Variants in CUX2 observed in about 807,000 individuals in gnomAD.
CUX2 encodes the protein cut like homeobox 2, also known as homeobox protein cut-like 2.
CUX2 carries 40 observed loss-of-function variants against 144.8 expected under a neutral mutation model. The observed-to-expected ratio is 0.28, with a 90% CI of 0.21 to 0.36. The LOEUF is 0.36. CUX2 is among the 10% of genes least tolerant of loss of function. The pLI, the probability that CUX2 is intolerant of heterozygous loss-of-function variation, is 1.00. For missense variants in CUX2, 1,615 were observed against 1,994.0 expected (o/e 0.81, Z 3.62); for synonymous variants, 827 against 875.6 (o/e 0.94, Z 0.98).
At chr12:111,167,702 G>T (rs4766545) in intron 1 of CUX2, among the ~76,000 whole-genome samples, 89,357 of 142,286 alleles carry the variant, frequency 0.63, 30,796 homozygotes, top group Admixed American at 0.67. Context: ...TTGTTTGTTT[G>T]TTTCTTTTTT....
intron 1 of CUX2, among the ~76,000 whole-genome samples, chr12:111,176,039 CTTTTTTTTT>C (rs1172563784): frequency 2.8e-5 from 2 of 70,198 alleles, no homozygotes; most frequent in Non-Finnish European, 5.3e-5. Flanking sequence ...TCTTCTTCTT[CTTTTTTTTT>C]TTTTTTTTTT....
intron 3 of CUX2, among the ~76,000 whole-genome samples, chr12:111,225,144 A>G (rs894658899): frequency 1.3e-5 from 2 of 152,142 alleles, no homozygotes; most frequent in African/African-American, 4.8e-5. Flanking sequence ...AAATGGTGGT[A>G]ATAGTACCCA....
At chr12:111,268,917 G>T (rs544156574) in intron 4 of CUX2, among the ~76,000 whole-genome samples, 23 of 152,244 alleles carry the variant, frequency 1.5e-4, no homozygotes, top group Admixed American at 1.4e-3. Flanking sequence ...GCTCTCCCAC[G>T]GCACCCCGTA....
chr12:111,201,162 G>T (rs899985710), intron 1 of CUX2, among the ~76,000 whole-genome samples: 1 of 152,096 alleles, frequency 6.6e-6, no homozygotes, highest in African/African-American at 2.4e-5. Flanking sequence ...GGAGGCATTG[G>T]CTCCTTGCCA....
chr12:111,099,129 C>T (rs1471710542), intron 1 of CUX2, among the ~76,000 whole-genome samples: 2 of 152,222 alleles, frequency 1.3e-5, no homozygotes, highest in East Asian at 3.8e-4. Context: ...AATACAGGAT[C>T]CCAAATGCTC....
chr12:111,145,349 C>A lies in CUX2; in HGVS notation c.64-68851C>A, dbSNP rs943069183. 3.3e-5 allele frequency among the ~76,000 whole-genome samples: 5 copies of A among 152,024 alleles called. 1 individual carries two copies. In the South Asian group the frequency reaches 1.0e-3, roughly 32 times the overall value. On this transcript the variant is annotated intron_variant, in intron 1 of 21. Transcript: ENST00000261726. Reference sequence around the variant, plus strand: ...GCAAGTAACTGGAAACCCAGCTAACCAGTGCCTTAAGCTTCATTCATTTAT... The same window carrying A: ...GCAAGTAACTGGAAACCCAGCTAACAAGTGCCTTAAGCTTCATTCATTTAT...
intron 3 of CUX2, among the ~76,000 whole-genome samples, chr12:111,220,536 C>G (rs1431404088): frequency 6.6e-6 from 1 of 151,956 alleles, no homozygotes; most frequent in Non-Finnish European, 1.5e-5. Flanking sequence ...TGCTCCTAAA[C>G]CAGCTGTGTG....
At chr12:111,106,619 T>C (rs1456890166) in intron 1 of CUX2, among the ~76,000 whole-genome samples, 1 of 152,114 alleles carries the variant, frequency 6.6e-6, no homozygotes, top group Non-Finnish European at 1.5e-5. Context: ...TAATTCCTGA[T>C]AGAAATAAGA....
chr12:111,282,321 CAAA>C (rs35466467), intron 4 of CUX2, among the ~76,000 whole-genome samples: 8 of 119,816 alleles, frequency 6.7e-5, no homozygotes, highest in Non-Finnish European at 1.0e-4. Flanking sequence ...AACCCCATCT[CAAA>C]AAAAAAAAAA....
At position 111,037,701 on chromosome 12, in the gene CUX2, AT is replaced by A. The variant is rs1434874033; in HGVS notation, c.63+3468del. ...TTATGGTGAACATTACTAATGCAGTATTTTTTTATGGCTTTTCTGTGTATAA... is the reference window on the plus strand; with the variant it reads ...TTATGGTGAACATTACTAATGCAGTATTTTTTATGGCTTTTCTGTGTATAA... On this transcript the variant is annotated intron_variant, in intron 1 of 21. Coordinates refer to ENST00000261726, the MANE Select transcript of CUX2 (RefSeq NM_015267.4). The surrounding 1 kb of genome is among the most constrained non-coding windows in gnomAD (Gnocchi z 5.4). Among the ~76,000 whole-genome samples the A allele has an allele frequency of 6.6e-6, 1 of 152,018 alleles. No individual in the cohort carries two copies. Among genetic ancestry groups the A allele is most frequent in the African/African-American group, 2.4e-5 (1 of 41,372 alleles).
At chr12:111,275,861 G>C (rs993542947) in intron 4 of CUX2, among the ~76,000 whole-genome samples, 2 of 151,988 alleles carry the variant, frequency 1.3e-5, no homozygotes, top group African/African-American at 4.8e-5. Context: ...CAGGAGAGGC[G>C]GCCCAGGCTC....
intron 3 of CUX2, among the ~76,000 whole-genome samples, chr12:111,243,535 G>A (rs188804985): frequency 7.5e-5 from 9 of 119,384 alleles, no homozygotes; most frequent in East Asian, 5.1e-4. Context: ...ACAGGGTCTC[G>A]CTCTGTTGCC....
chr12:111,341,911 G>T lies in CUX2; in HGVS notation c.3517G>T (p.Val1173Leu). The T allele has an allele frequency of 6.2e-7, 1 of 1,614,124 alleles. No homozygotes were observed. The highest frequency in any genetic ancestry group is 8.5e-7 in the Non-Finnish European group (1 of 1,180,022). The change falls in exon 21 of 22, where the codon GTG (valine) becomes TTG (leucine). Residue 1173 changes from valine (V) to leucine (L), a missense_variant. Val to Leu is a conservative substitution (Grantham distance 32). Around this residue, in one of 12 missense-constraint regions of CUX2, gnomAD observed 131 missense variants for 223.1 expected, o/e 0.59. Coordinates refer to ENST00000261726, the MANE Select transcript of CUX2 (RefSeq NM_015267.4). ...LSLLQIKKPRVVLAPEEKEAL... is the reference protein window; with the variant it reads ...LSLLQIKKPRLVLAPEEKEAL... ...CCTCCTGCAGATCAAGAAGCCCCGGGTGGTGCTGGCACCCGAGGAGAAGGA... is the reference window on the plus strand; with the variant it reads ...CCTCCTGCAGATCAAGAAGCCCCGGTTGGTGCTGGCACCCGAGGAGAAGGA...
chr12:111,060,333 C>T (rs2136019817), intron 1 of CUX2, among the ~76,000 whole-genome samples: 1 of 152,350 alleles, frequency 6.6e-6, no homozygotes, highest in East Asian at 1.9e-4. Flanking sequence ...TTGGCATATC[C>T]TGGTCTCCCT....
chr12:111,228,673 C>G (rs922290777), intron 3 of CUX2, among the ~76,000 whole-genome samples: 3 of 152,074 alleles, frequency 2.0e-5, no homozygotes, highest in African/African-American at 7.2e-5. Context: ...ATCCACTTGC[C>G]TCGGCCTCCC....
intron 1 of CUX2, among the ~76,000 whole-genome samples, chr12:111,180,631 T>C (rs901590725): frequency 3.5e-4 from 53 of 152,246 alleles, no homozygotes; most frequent in Non-Finnish European, 1.0e-4. Flanking sequence ...CCCAGTCTGA[T>C]AGGAACAAAG....
At chr12:111,226,776 G>A (rs1253706183) in intron 3 of CUX2, among the ~76,000 whole-genome samples, 1 of 152,206 alleles carries the variant, frequency 6.6e-6, no homozygotes, top group South Asian at 2.1e-4. Flanking sequence ...TGGCGTCTGG[G>A]CCGGGCTGGG....
intron 15 of CUX2, among the ~76,000 whole-genome samples, chr12:111,311,450 G>C (rs575682210): frequency 6.6e-6 from 1 of 151,952 alleles, no homozygotes. Flanking sequence ...CACCATGCCT[G>C]GCTAATTTTT....
intron 1 of CUX2, among the ~76,000 whole-genome samples, chr12:111,100,720 G>A (rs1266528388): frequency 6.6e-6 from 1 of 152,248 alleles, no homozygotes; most frequent in Non-Finnish European, 1.5e-5. Flanking sequence ...CTACATATGA[G>A]AGCGTGTGGA....
Sources: allele counts gnomAD v4.1 joint callset (sites outside exome capture counted in the v4.1 genomes callset), GRCh38; gene constraint gnomAD v4.1.1; regional missense constraint gnomAD v4.1.1; non-coding constraint Gnocchi (gnomAD v3.1); transcripts MANE v1.5; gene names NCBI Gene and HGNC (gene_info 2026-07-23, HGNC 2026-07-21).